Variants in NUP133 observed in about 807,000 individuals in gnomAD.
The protein encoded by NUP133 is nucleoporin 133.
In NUP133, 66 loss-of-function variants were observed where a neutral mutation model predicts 146.2. The ratio of observed to expected loss-of-function variants is 0.45; its 90% confidence interval spans 0.37 to 0.55. The LOEUF (loss-of-function observed/expected upper bound fraction) is 0.55, where lower values mean the gene tolerates loss of function less well. NUP133 is among the 20% of genes least tolerant of loss of function. NUP133 has a pLI of 0.00. For synonymous variants in NUP133, 521 were observed against 498.8 expected (o/e 1.04, Z -0.59); for missense variants, 1,277 against 1,374.8 (o/e 0.93, Z 1.12).
At chr1:229,481,986 T>C (rs1661223815) in intron 12 of NUP133, among the ~76,000 whole-genome samples, 2 of 152,228 alleles carry the variant, frequency 1.3e-5, no homozygotes, top group African/African-American at 2.4e-5. Flanking sequence ...GACTGGTCAC[T>C]TGCTGCATTA....
rs138487178 is a variant in NUP133, at chr1:229,468,394, G to A, written c.2077-1638C>T. On this transcript the variant is annotated intron_variant, in intron 15 of 25. Transcript: ENST00000261396. The stretch of plus-strand genomic sequence containing the variant: ...CTCTTTTCATGATCATTATGACACG[G>A]GAGAAAACCTTTATAACTACACCCC... Among the ~76,000 whole-genome samples the A allele has an allele frequency of 5.3e-5, 8 of 152,190 alleles. No individual in the cohort carries two copies. In the East Asian group the frequency reaches 1.5e-3, roughly 29 times the overall value.
chr1:229,470,903 G>T, intron 14 of NUP133, 99 bp from the exon 15 acceptor site: 1 of 997,368 alleles, frequency 1.0e-6, no homozygotes, highest in Non-Finnish European at 1.5e-6. Context: ...GCAGTCACTG[G>T]CCCCAGCTTT....
At chr1:229,478,223 C>A (rs944606399) in intron 12 of NUP133, among the ~76,000 whole-genome samples, 11 of 151,940 alleles carry the variant, frequency 7.2e-5, no homozygotes, top group African/African-American at 2.7e-4. Flanking sequence ...CTCAAAGTTA[C>A]TTTTAATAAA....
At chr1:229,455,296 T>C (rs1011696409) in intron 21 of NUP133, among the ~76,000 whole-genome samples, 6 of 152,142 alleles carry the variant, frequency 3.9e-5, no homozygotes, top group Admixed American at 1.3e-4. Flanking sequence ...TGGTGGCTCA[T>C]GTCTATAATC....
At chr1:229,493,256 C>T (rs1304322101) in intron 8 of NUP133, among the ~76,000 whole-genome samples, 2 of 152,188 alleles carry the variant, frequency 1.3e-5, no homozygotes, top group South Asian at 4.1e-4. Context: ...TAGCTCACTA[C>T]AGCCCCAATC....
At chr1:229,460,824 T>C (rs1462331977) in intron 19 of NUP133, 55 bp from the exon 20 acceptor site, 1 of 1,484,484 alleles carries the variant, frequency 6.7e-7, no homozygotes, top group Non-Finnish European at 9.2e-7. Context: ...AACACATTTC[T>C]GATAACAAAA....
intron 4 of NUP133, 35 bp downstream of exon 4, chr1:229,500,721 A>G: frequency 7.6e-7 from 1 of 1,324,062 alleles, no homozygotes; most frequent in South Asian, 1.2e-5. Flanking sequence ...CCTTGTTGTA[A>G]AAAGTTTATT....
chr1:229,501,763 A>C (rs1373841617), intron 3 of NUP133, among the ~76,000 whole-genome samples: 1 of 152,078 alleles, frequency 6.6e-6, no homozygotes, highest in Non-Finnish European at 1.5e-5. Flanking sequence ...AATATCAATG[A>C]CTCTAATTTT....
chr1:229,506,189 G>A (rs781503237), intron 1 of NUP133, 31 bp from the exon 2 acceptor site: 15 of 1,277,264 alleles, frequency 1.2e-5, no homozygotes, highest in Non-Finnish European at 1.5e-5. Flanking sequence ...TACCTTACTT[G>A]TAACTTAAAA....
intron 20 of NUP133, 72 bp from the exon 21 acceptor site, chr1:229,458,368 C>T (rs1660615272): frequency 6.6e-7 from 1 of 1,514,554 alleles, no homozygotes; most frequent in African/African-American, 1.4e-5. Context: ...TAAGTAAACC[C>T]CAAACTTGTT....
intron 12 of NUP133, among the ~76,000 whole-genome samples, chr1:229,481,793 G>C (rs1661218855): frequency 6.6e-6 from 1 of 152,080 alleles, no homozygotes; most frequent in Non-Finnish European, 1.5e-5. Flanking sequence ...AGGATTGCTA[G>C]CAGCCACCCG....
intron 5 of NUP133, 81 bp downstream of exon 5, chr1:229,499,603 T>C: frequency 1.4e-6 from 2 of 1,447,298 alleles, no homozygotes; most frequent in Non-Finnish European, 1.9e-6. Flanking sequence ...ATCCCACCTC[T>C]ATTTAAAAAT....
chr1:229,467,892 T>G (rs1308284647), intron 15 of NUP133, among the ~76,000 whole-genome samples: 6 of 143,820 alleles, frequency 4.2e-5, no homozygotes, highest in Non-Finnish European at 8.9e-5. Context: ...GTCACTGCAC[T>G]CCAGCCTGGC....
At chr1:229,482,571 A>G (rs1259755943) in intron 12 of NUP133, among the ~76,000 whole-genome samples, 1 of 152,210 alleles carries the variant, frequency 6.6e-6, no homozygotes, top group Non-Finnish European at 1.5e-5. Flanking sequence ...TTTTAAGGAA[A>G]GTACCAGAAT....
intron 25 of NUP133, among the ~76,000 whole-genome samples, chr1:229,442,336 A>G (rs1660202367): frequency 6.6e-6 from 1 of 152,256 alleles, no homozygotes; most frequent in Non-Finnish European, 1.5e-5. Context: ...GCTTGAAAAC[A>G]AGTATTTCAA....
rs764499971 is a variant in NUP133 at position 229,445,044 on chromosome 1, A to G, written c.3246-42T>C. On this transcript the variant is annotated intron_variant, in intron 24 of 25. Transcript: ENST00000261396. The stretch of plus-strand genomic sequence containing the variant: ...TTATGAGGGAAAAATGAAATCACTG[A>G]TATAGCTGAATTAAATGATTTGTTT... 3 of 1,295,808 alleles carry G rather than the reference A, an allele frequency of 2.3e-6. No homozygotes were observed. In the South Asian group the frequency reaches 3.7e-5, roughly 16 times the overall value. 80.3% of individuals were successfully genotyped at this position (1,295,808 alleles called of 1,614,324 possible).
chr1:229,441,650 G>A lies in NUP133; in HGVS notation c.*254C>T, dbSNP rs1421774787. ...CAAGAACTCCAGAACCTGGGACCAC[G>A]TGAGAGTAAAAAGAAAGGGCACCGA... On this transcript the variant is annotated 3_prime_UTR_variant, in exon 26 of 26. Coordinates refer to ENST00000261396, the MANE Select transcript of NUP133 (RefSeq NM_018230.3). The A allele has an allele frequency of 1.8e-5, 7 of 379,706 alleles. No individual in the cohort carries two copies. The highest frequency in any genetic ancestry group is 2.5e-5 in the Non-Finnish European group (5 of 203,314). The allele number at this position is 379,706 out of a possible 1,614,324, so 23.5% of individuals were successfully genotyped here.
chr1:229,451,752 T>C (rs1044739371), intron 22 of NUP133, among the ~76,000 whole-genome samples: 3 of 152,230 alleles, frequency 2.0e-5, no homozygotes, highest in Non-Finnish European at 4.4e-5. Context: ...AATAGTTTTA[T>C]TTTGTTGTTC....
At position 229,501,970 on chromosome 1, in the gene NUP133, C is replaced by T. The variant is rs202240643; in HGVS notation, c.405+29G>A. The T allele has an allele frequency of 1.6e-3, 2,478 of 1,503,814 alleles. 5 individuals carry two copies. Among genetic ancestry groups the T allele is most frequent in the Non-Finnish European group, 2.1e-3 (2,263 of 1,080,232 alleles). The allele number at this position is 1,503,814 out of a possible 1,614,324, so 93.2% of individuals were successfully genotyped here. On this transcript the variant is annotated intron_variant, in intron 3 of 25. Transcript: ENST00000261396. ...GTCAATTGGCATTCCTCTCCTCTAT[C>T]TTGTTCCAGCTCTCTAAAGAGCCAT...
Sources: allele counts gnomAD v4.1 joint callset (sites outside exome capture counted in the v4.1 genomes callset), GRCh38; gene constraint gnomAD v4.1.1; transcripts MANE v1.5; gene names NCBI Gene and HGNC (gene_info 2026-07-23, HGNC 2026-07-21).